AGPAT4: variants seen among roughly 807,000 people sequenced by gnomAD.
AGPAT4 encodes 1-acylglycerol-3-phosphate O-acyltransferase 4.
AGPAT4 carries 15 observed loss-of-function variants against 48.0 expected under a neutral mutation model. The observed-to-expected ratio is 0.31, with a 90% confidence interval of 0.21 to 0.48. AGPAT4 has a LOEUF of 0.48. AGPAT4 is among the 20% of genes least tolerant of loss of function. AGPAT4 has a pLI of 0.99. For synonymous variants in AGPAT4, 178 were observed against 198.7 expected (o/e 0.90, Z 0.88); for missense variants, 314 against 482.5 (o/e 0.65, Z 3.27).
chr6:161,210,465 G>A (rs1024518319), intron 2 of AGPAT4, among the ~76,000 whole-genome samples: 2 of 152,126 alleles, frequency 1.3e-5, no homozygotes, highest in Admixed American at 6.5e-5. Context: ...TGCCTAATAT[G>A]TCTATGTATT....
chr6:161,130,761 T>G lies in AGPAT4; in HGVS notation c.*5779A>C, dbSNP rs1778875170. ...GCTCCAGTTGTAGCCTTGGCACAGC[T>G]GAGGCCATGCCATTGCTACCCGGAA... is the stretch of plus-strand genomic sequence containing the variant. On this transcript the variant is annotated 3_prime_UTR_variant, in exon 9 of 9. Transcript: ENST00000320285. 2.0e-6 allele frequency: 1 copy of G among 491,444 alleles called. No homozygotes were observed. Among genetic ancestry groups the G allele is most frequent in the Non-Finnish European group, 4.1e-6 (1 of 242,396 alleles). 30.4% of individuals were successfully genotyped at this position (491,444 alleles called of 1,614,324 possible).
rs1781621078 is a variant in AGPAT4, at chr6:161,215,470, C to T, written c.178+16566G>A. Among the ~76,000 whole-genome samples the T allele has an allele frequency of 6.6e-6, 1 of 152,146 alleles. No individual in the cohort carries two copies. Among genetic ancestry groups the T allele is most frequent in the African/African-American group, 2.4e-5 (1 of 41,428 alleles). ...CAGTGACTCACCCTGATCTCATGCT[C>T]GGTAATCAGGTTCAGATATCCTGGT... On this transcript the variant is annotated intron_variant, in intron 2 of 8. Transcript: ENST00000320285. The surrounding 1 kb of genome is among the most constrained non-coding windows in gnomAD (Gnocchi z 4.5).
In AGPAT4 at chr6:161,201,206, A is replaced by G. The variant is rs1781228556; in HGVS notation, c.178+30830T>C. 1.3e-5 allele frequency among the ~76,000 whole-genome samples: 2 copies of G among 152,262 alleles called. No homozygotes were observed. The highest frequency in any genetic ancestry group is 4.2e-4 in the South Asian group (2 of 4,806). On this transcript the variant is annotated intron_variant, in intron 2 of 8. Transcript: ENST00000320285. This position sits in a 1 kb window ranked among gnomAD's most constrained non-coding sequence, Gnocchi z 6.0. Reference sequence around the variant, plus strand: ...GGGGAGTGGGGATTGGAGGCTGTTCAAGAGAGACTTAATTCTGTACCTAAT... The same window carrying G: ...GGGGAGTGGGGATTGGAGGCTGTTCGAGAGAGACTTAATTCTGTACCTAAT...
rs1045123554 is a variant in AGPAT4 at position 161,180,749 on chromosome 6, T to C, written c.179-14332A>G. On this transcript the variant is annotated intron_variant, in intron 2 of 8. Transcript: ENST00000320285. This position sits in a 1 kb window ranked among gnomAD's most constrained non-coding sequence, Gnocchi z 6.4. ...GGGCCGGGTCTCTCTCCTGGCATCA[T>C]AAGGAGGCTTGGGAGACAGGACGGT... 6.6e-6 allele frequency among the ~76,000 whole-genome samples: 1 copy of C among 152,286 alleles called. No homozygotes were observed. Among genetic ancestry groups the C allele is most frequent in the Non-Finnish European group, 1.5e-5 (1 of 68,014 alleles).
At chr6:161,193,077 C>A in intron 2 of AGPAT4, among the ~76,000 whole-genome samples, 1 of 152,164 alleles carries the variant, frequency 6.6e-6, no homozygotes. Flanking sequence ...TTTGTCAGTT[C>A]TAGAAAATTC....
intron 2 of AGPAT4, among the ~76,000 whole-genome samples, chr6:161,190,201 G>A (rs575951175): frequency 6.6e-6 from 1 of 152,154 alleles, no homozygotes; most frequent in East Asian, 1.9e-4. Context: ...TGTCTTCATG[G>A]GCACATGACA....
Position 161,202,256 on chromosome 6 carries a change from A to G in AGPAT4, c.178+29780T>C, listed in dbSNP as rs1407518857. Among the ~76,000 whole-genome samples, 1 of 152,130 alleles carries G rather than the reference A, an allele frequency of 6.6e-6. No homozygotes were observed. The highest frequency in any genetic ancestry group is 1.5e-5 in the Non-Finnish European group (1 of 68,024). On this transcript the variant is annotated intron_variant, in intron 2 of 8. Coordinates refer to ENST00000320285, the MANE Select transcript of AGPAT4 (RefSeq NM_020133.3). This position sits in a 1 kb window ranked among gnomAD's most constrained non-coding sequence, Gnocchi z 5.4. Reference sequence around the variant, plus strand: ...GGTCTCTGGGGATGTCGCAGTCAAGATGTCAGCTGGGGCTTGCCTGAGGCT... The same window carrying G: ...GGTCTCTGGGGATGTCGCAGTCAAGGTGTCAGCTGGGGCTTGCCTGAGGCT...
rs989453669 is a variant in AGPAT4 at position 161,244,139 on chromosome 6, T to C, written c.-89-11837A>G. On this transcript the variant is annotated intron_variant, in intron 1 of 8. Transcript: ENST00000320285. The surrounding 1 kb of genome is among the most constrained non-coding windows in gnomAD (Gnocchi z 4.7). ...TCATCACTTTGGTGCTCTCTGAATGTACCTGTGTTTTCCTGATCTCAAACA... is the reference window on the plus strand; with the variant it reads ...TCATCACTTTGGTGCTCTCTGAATGCACCTGTGTTTTCCTGATCTCAAACA... Among the ~76,000 whole-genome samples, 2 of 152,214 alleles carry C rather than the reference T, an allele frequency of 1.3e-5. No homozygotes were observed. Among genetic ancestry groups the C allele is most frequent in the African/African-American group, 2.4e-5 (1 of 41,442 alleles).
At position 161,200,662 on chromosome 6, in the gene AGPAT4, G is replaced by T. The variant is rs543514929; in HGVS notation, c.178+31374C>A. ...AATCATATTTACTATGTTGACTAGG[G>T]ACACCATAGGTCCCTCCTCTGCTCT... On this transcript the variant is annotated intron_variant, in intron 2 of 8. Transcript: ENST00000320285. This position sits in a 1 kb window ranked among gnomAD's most constrained non-coding sequence, Gnocchi z 5.5. Among the ~76,000 whole-genome samples, 1 of 152,138 alleles carries T rather than the reference G, an allele frequency of 6.6e-6. No individual in the cohort carries two copies. The highest frequency in any genetic ancestry group is 6.5e-5 in the Admixed American group (1 of 15,276).
At chr6:161,237,547 C>T (rs1397194189) in intron 1 of AGPAT4, among the ~76,000 whole-genome samples, 4 of 152,026 alleles carry the variant, frequency 2.6e-5, no homozygotes, top group Non-Finnish European at 2.9e-5. Context: ...TTAAGTCAGC[C>T]AGTATAGACC....
At position 161,246,098 on chromosome 6, in the gene AGPAT4, G is replaced by A. The variant is rs1378293326; in HGVS notation, c.-89-13796C>T. 6.6e-6 allele frequency among the ~76,000 whole-genome samples: 1 copy of A among 152,132 alleles called. No individual in the cohort carries two copies. The highest frequency in any genetic ancestry group is 1.5e-5 in the Non-Finnish European group (1 of 68,030). The stretch of plus-strand genomic sequence containing the variant: ...GGGCATTACAGACTGGCTATTCCTC[G>A]AAAAGTTTCATTAGCAGCAGCAGTG... On this transcript the variant is annotated intron_variant, in intron 1 of 8. Coordinates refer to ENST00000320285, the MANE Select transcript of AGPAT4 (RefSeq NM_020133.3). This position sits in a 1 kb window ranked among gnomAD's most constrained non-coding sequence, Gnocchi z 5.5.
chr6:161,257,695 T>A (rs191599147), intron 1 of AGPAT4, among the ~76,000 whole-genome samples: 1 of 152,194 alleles, frequency 6.6e-6, no homozygotes, highest in East Asian at 1.9e-4. Context: ...TTAAATTAAT[T>A]TTCTTCATGG....
rs2032843441 is a variant in AGPAT4 at position 161,240,597 on chromosome 6, T to C, written c.-89-8295A>G. Among the ~76,000 whole-genome samples the C allele has an allele frequency of 6.6e-6, 1 of 152,132 alleles. No homozygotes were observed. The highest frequency in any genetic ancestry group is 1.5e-5 in the Non-Finnish European group (1 of 68,022). ...GCTAAAGTGGGGACAGCTGGCAGATTGTTTCTGAACCAATATTTCGGTCTC... is the reference window on the plus strand; with the variant it reads ...GCTAAAGTGGGGACAGCTGGCAGATCGTTTCTGAACCAATATTTCGGTCTC... On this transcript the variant is annotated intron_variant, in intron 1 of 8. Coordinates refer to ENST00000320285, the MANE Select transcript of AGPAT4 (RefSeq NM_020133.3). This position sits in a 1 kb window ranked among gnomAD's most constrained non-coding sequence, Gnocchi z 5.5.
rs1583342038 is a variant in AGPAT4, at chr6:161,220,723, G to A, written c.178+11313C>T. Among the ~76,000 whole-genome samples the A allele has an allele frequency of 6.6e-6, 1 of 151,916 alleles. No homozygotes were observed. Among genetic ancestry groups the A allele is most frequent in the Non-Finnish European group, 1.5e-5 (1 of 67,946 alleles). ...GACAGTTTCATTCTATCTTTCCTAC[G>A]CAGACTGCCCCATTGGTTGTGCAAA... is the stretch of plus-strand genomic sequence containing the variant. On this transcript the variant is annotated intron_variant, in intron 2 of 8. Transcript: ENST00000320285. The surrounding 1 kb of genome is among the most constrained non-coding windows in gnomAD (Gnocchi z 6.0).
intron 2 of AGPAT4, among the ~76,000 whole-genome samples, chr6:161,203,895 C>T (rs1295051256): frequency 6.6e-6 from 1 of 152,186 alleles, no homozygotes; most frequent in Non-Finnish European, 1.5e-5. Context: ...CCCTGCCCTT[C>T]ATTTGACCCT....
At position 161,136,275 on chromosome 6, in the gene AGPAT4, A is replaced by G; in HGVS notation, c.*265T>C. On this transcript the variant is annotated 3_prime_UTR_variant, in exon 9 of 9. Transcript: ENST00000320285. ...TACCCTTTCTATGATCACAGAACAAAGTTCACACTCACCACACAGCCATTC... is the reference window on the plus strand; with the variant it reads ...TACCCTTTCTATGATCACAGAACAAGGTTCACACTCACCACACAGCCATTC... 4.1e-6 allele frequency: 2 copies of G among 485,770 alleles called. No individual in the cohort carries two copies. Among genetic ancestry groups the G allele is most frequent in the Non-Finnish European group, 7.5e-6 (2 of 266,970 alleles). 30.1% of individuals were successfully genotyped at this position (485,770 alleles called of 1,614,324 possible).
At chr6:161,248,989 T>C (rs990196987) in intron 1 of AGPAT4, among the ~76,000 whole-genome samples, 3 of 152,002 alleles carry the variant, frequency 2.0e-5, no homozygotes, top group Non-Finnish European at 2.9e-5. Context: ...TGGAACAGAA[T>C]AGAGAGCCCA....
chr6:161,255,731 G>A lies in AGPAT4; in HGVS notation c.-90+18207C>T, dbSNP rs1214074610. Among the ~76,000 whole-genome samples, 1 of 151,776 alleles carries A rather than the reference G, an allele frequency of 6.6e-6. No individual in the cohort carries two copies. The highest frequency in any genetic ancestry group is 1.5e-5 in the Non-Finnish European group (1 of 67,962). ...TCTAGGGCTGGAGGGGGCAGGATGG[G>A]GGAGTGACTGCTGATATGTACGGTT... On this transcript the variant is annotated intron_variant, in intron 1 of 8. Transcript: ENST00000320285. The surrounding 1 kb of genome is among the most constrained non-coding windows in gnomAD (Gnocchi z 4.7).
Position 161,219,989 on chromosome 6 carries a change from T to G in AGPAT4, c.178+12047A>C, listed in dbSNP as rs956961698. Among the ~76,000 whole-genome samples, 2 of 151,052 alleles carry G rather than the reference T, an allele frequency of 1.3e-5. No individual in the cohort carries two copies. Among genetic ancestry groups the G allele is most frequent in the African/African-American group, 4.9e-5 (2 of 40,916 alleles). The stretch of plus-strand genomic sequence containing the variant: ...AGACAGGCAGGCAGATAGATACATT[T>G]AAAAAATAAATGGATTATTACTCAA... On this transcript the variant is annotated intron_variant, in intron 2 of 8. Transcript: ENST00000320285. This position sits in a 1 kb window ranked among gnomAD's most constrained non-coding sequence, Gnocchi z 4.9.
Sources: gnomAD v4.1 joint callset for allele counts (sites outside exome capture counted in the v4.1 genomes callset) on GRCh38, gnomAD v4.1.1 for gene constraint, Gnocchi (gnomAD v3.1) non-coding constraint, MANE v1.5 for transcripts, NCBI Gene and HGNC (gene_info 2026-07-23, HGNC 2026-07-21) for gene names.